RASAL2: variants seen among roughly 807,000 people sequenced by gnomAD.
RASAL2 encodes ras GTPase-activating protein nGAP.
In RASAL2, 58 loss-of-function variants were observed where a neutral mutation model predicts 128.9. The observed-to-expected ratio is 0.45, with a 90% CI of 0.36 to 0.56. The LOEUF is 0.56. Among genes scored for constraint, RASAL2 ranks in the 20% least tolerant of loss-of-function variants. RASAL2 has a pLI of 0.00. For synonymous variants in RASAL2, 561 were observed against 580.8 expected (o/e 0.97, Z 0.49); for missense variants, 1,360 against 1,601.6 (o/e 0.85, Z 2.57).
intron 6 of RASAL2, among the ~76,000 whole-genome samples, chr1:178,441,149 TC>T (rs1676620826): frequency 6.6e-6 from 1 of 152,142 alleles, no homozygotes; most frequent in African/African-American, 2.4e-5. Context: ...GATATAAGTA[TC>T]GGAAAACTAG....
intron 1 of RASAL2, among the ~76,000 whole-genome samples, chr1:178,177,443 T>C (rs1278073347): frequency 1.3e-5 from 2 of 152,202 alleles, no homozygotes; most frequent in Non-Finnish European, 2.9e-5. Flanking sequence ...GTTCTTGCTC[T>C]CAAGGAGCCT....
At chr1:178,469,866 A>G (rs939859061) in intron 17 of RASAL2, among the ~76,000 whole-genome samples, 1 of 152,252 alleles carries the variant, frequency 6.6e-6, no homozygotes, top group Non-Finnish European at 1.5e-5. Flanking sequence ...TTATTCTACC[A>G]GAGACCCACT....
rs1012890559 is a variant in RASAL2 at position 178,170,258 on chromosome 1, A to T, written c.202+75564A>T. On this transcript the variant is annotated intron_variant, in intron 1 of 17. Transcript: ENST00000367649. ...AAAAAAGTTTCCTCTCCCTATTTTA[A>T]TATTTATAAAGATACAGCAAATTGT... 2.6e-4 allele frequency among the ~76,000 whole-genome samples: 39 copies of T among 151,930 alleles called. 1 individual carries two copies. The highest frequency in any genetic ancestry group is 8.2e-4 in the African/African-American group (34 of 41,404).
chr1:178,176,534 G>A (rs1661898666), intron 1 of RASAL2, among the ~76,000 whole-genome samples: 1 of 151,670 alleles, frequency 6.6e-6, no homozygotes, highest in Non-Finnish European at 1.5e-5. Flanking sequence ...CGCAGCCTCA[G>A]AATCTTCTTA....
intron 1 of RASAL2, among the ~76,000 whole-genome samples, chr1:178,242,514 C>G (rs1467335671): frequency 6.7e-6 from 1 of 148,364 alleles, no homozygotes; most frequent in Non-Finnish European, 1.5e-5. Context: ...TCTCTCTCCC[C>G]ACTCCTGGGC....
chr1:178,134,056 C>T (rs950551300), intron 1 of RASAL2, among the ~76,000 whole-genome samples: 5 of 152,180 alleles, frequency 3.3e-5, no homozygotes, highest in East Asian at 1.9e-4. Flanking sequence ...AACTTAGCAG[C>T]TTAAAACAAT....
At chr1:178,264,747 C>T (rs1665868647) in intron 1 of RASAL2, among the ~76,000 whole-genome samples, 1 of 152,172 alleles carries the variant, frequency 6.6e-6, no homozygotes, top group South Asian at 2.1e-4. Context: ...CTGAACCCCA[C>T]TGTTTAGAGT....
At chr1:178,464,914 T>C (rs1647522789) in intron 15 of RASAL2, among the ~76,000 whole-genome samples, 2 of 150,140 alleles carry the variant, frequency 1.3e-5, no homozygotes, top group African/African-American at 4.9e-5. Context: ...GGATATTATC[T>C]ATTGTTTAGA....
Position 178,473,243 on chromosome 1 carries a change from G to C in RASAL2, c.*4G>C, listed in dbSNP as rs370012275. The C allele has an allele frequency of 6.8e-6, 11 of 1,614,112 alleles. No individual in the cohort carries two copies. The highest frequency in any genetic ancestry group is 8.5e-6 in the Non-Finnish European group (10 of 1,180,022). ...ATTCAAAAACAGCAGCTGCTGACGG[G>C]CTTTGTCTGTGGAAGGAGACAGAAG... On this transcript the variant is annotated 3_prime_UTR_variant, in exon 18 of 18. Transcript: ENST00000367649.
chr1:178,172,770 G>T (rs1661746207), intron 1 of RASAL2, among the ~76,000 whole-genome samples: 1 of 152,062 alleles, frequency 6.6e-6, no homozygotes, highest in African/African-American at 2.4e-5. Flanking sequence ...CATAATTGCA[G>T]TATTTCCAAA....
At chr1:178,338,006 A>G (rs2102394303) in intron 3 of RASAL2, among the ~76,000 whole-genome samples, 1 of 152,290 alleles carries the variant, frequency 6.6e-6, no homozygotes, top group Non-Finnish European at 1.5e-5. Context: ...TACTGGGATT[A>G]CAGGCGTGAG....
At chr1:178,326,083 C>G (rs1327594904) in intron 3 of RASAL2, among the ~76,000 whole-genome samples, 1 of 152,062 alleles carries the variant, frequency 6.6e-6, no homozygotes, top group Admixed American at 6.6e-5. Context: ...CTACTGCACT[C>G]CAGCCTGGGT....
chr1:178,224,842 A>G (rs1337931485), intron 1 of RASAL2, among the ~76,000 whole-genome samples: 1 of 152,136 alleles, frequency 6.6e-6, no homozygotes, highest in African/African-American at 2.4e-5. Flanking sequence ...TTGTTTCCCT[A>G]ATAAACACAT....
At chr1:178,241,954 G>C (rs1299222762) in intron 1 of RASAL2, among the ~76,000 whole-genome samples, 1 of 152,156 alleles carries the variant, frequency 6.6e-6, no homozygotes, top group Admixed American at 6.5e-5. Context: ...TCAATTTTTT[G>C]CTCATGCAGG....
chr1:178,126,062 A>C (rs1211707391), intron 1 of RASAL2, among the ~76,000 whole-genome samples: 2 of 152,172 alleles, frequency 1.3e-5, no homozygotes, highest in East Asian at 1.9e-4. Flanking sequence ...TACTTGTATA[A>C]ATTTTACAGC....
At chr1:178,101,577 C>T (rs561544459) in intron 1 of RASAL2, among the ~76,000 whole-genome samples, 3 of 152,246 alleles carry the variant, frequency 2.0e-5, no homozygotes, top group South Asian at 2.1e-4. Context: ...AAACATTCAA[C>T]ATAGATAAGA....
intron 1 of RASAL2, among the ~76,000 whole-genome samples, chr1:178,211,644 T>G (rs941203024): frequency 3.9e-5 from 6 of 152,184 alleles, no homozygotes; most frequent in African/African-American, 1.2e-4. Flanking sequence ...AATGCTTTTC[T>G]TATACCCTCA....
At chr1:178,423,905 G>A (rs747468989) in intron 5 of RASAL2, among the ~76,000 whole-genome samples, 35 of 152,180 alleles carry the variant, frequency 2.3e-4, no homozygotes, top group Middle Eastern at 3.4e-3. Context: ...TACTATGCAT[G>A]TTAATAAAAT....
chr1:178,428,990 T>G (rs745822476), intron 5 of RASAL2, among the ~76,000 whole-genome samples: 14 of 152,122 alleles, frequency 9.2e-5, no homozygotes, highest in Non-Finnish European at 1.8e-4. Context: ...TAGCCTTCCA[T>G]AATGCTCACT....
Sources: allele counts gnomAD v4.1 joint callset (sites outside exome capture counted in the v4.1 genomes callset), GRCh38; gene constraint gnomAD v4.1.1; transcripts MANE v1.5; gene names NCBI Gene and HGNC (gene_info 2026-07-23, HGNC 2026-07-21).